The following XRN2 variants were observed in gnomAD, a reference collection of about 807,000 sequenced individuals.
XRN2 encodes the protein 5'-3' exoribonuclease 2.
A neutral mutation model predicts 138.5 loss-of-function variants in XRN2; 44 were observed. That is an observed-to-expected ratio of 0.32 (90% CI 0.25 to 0.41). The LOEUF is 0.41. XRN2 is among the 10% of genes least tolerant of loss of function. The pLI is 1.00. For synonymous variants in XRN2, 354 were observed against 369.4 expected, an observed-to-expected ratio of 0.96 and a Z score of 0.48; for missense variants, 937 against 1,169.3, an observed-to-expected ratio of 0.80 and a Z score of 2.90.
chr20:21,314,428 C>T (rs903211795), intron 1 of XRN2, among the ~76,000 whole-genome samples: 3 of 152,088 alleles, frequency 2.0e-5, no homozygotes, highest in Admixed American at 6.6e-5. Context: ...GATATGTTTT[C>T]GTTTTTCTTG....
intron 20 of XRN2, among the ~76,000 whole-genome samples, chr20:21,351,719 G>T (rs1175438085): frequency 6.6e-6 from 1 of 152,104 alleles, no homozygotes; most frequent in Non-Finnish European, 1.5e-5. Flanking sequence ...CACAGTTTTA[G>T]TTCTTACATT....
chr20:21,342,153 CAAATTACCAGTTTATTTAAAGG>C (rs1223936023), intron 15 of XRN2, among the ~76,000 whole-genome samples: 3 of 152,058 alleles, frequency 2.0e-5, no homozygotes, highest in South Asian at 2.1e-4. Context: ...ATTTTGAAGT[CAAATTACCAGTTTATTTAAAGG>C]GAGCCATTAA....
chr20:21,322,047 A>G (rs970138767), intron 1 of XRN2, among the ~76,000 whole-genome samples: 1 of 152,168 alleles, frequency 6.6e-6, no homozygotes, highest in Non-Finnish European at 1.5e-5. Flanking sequence ...CTGAATCTAT[A>G]GTAGTGTGAC....
chr20:21,355,163 G>A (rs945241251), intron 21 of XRN2, among the ~76,000 whole-genome samples: 2 of 152,068 alleles, frequency 1.3e-5, no homozygotes, highest in Non-Finnish European at 2.9e-5. Flanking sequence ...ATGCACACAC[G>A]AAAGTATCTT....
intron 15 of XRN2, among the ~76,000 whole-genome samples, chr20:21,342,428 G>A (rs576188560): frequency 4.4e-4 from 67 of 152,194 alleles, no homozygotes; most frequent in African/African-American, 1.6e-3. Flanking sequence ...ATTTTTGTTG[G>A]TAGAGACAGC....
At chr20:21,374,608 T>C (rs2038798314) in intron 27 of XRN2, among the ~76,000 whole-genome samples, 2 of 152,162 alleles carry the variant, frequency 1.3e-5, no homozygotes, top group Non-Finnish European at 2.9e-5. Flanking sequence ...ATTACACTGA[T>C]TGATTTTGAA....
intron 1 of XRN2, among the ~76,000 whole-genome samples, chr20:21,319,618 T>C (rs1357032660): frequency 1.3e-5 from 2 of 152,168 alleles, no homozygotes; most frequent in Non-Finnish European, 2.9e-5. Context: ...CCTATGTATC[T>C]TGCTAGAATC....
chr20:21,342,762 A>T (rs1482618483), intron 15 of XRN2, among the ~76,000 whole-genome samples: 1 of 152,204 alleles, frequency 6.6e-6, no homozygotes, highest in Non-Finnish European at 1.5e-5. Context: ...GAACGTTATC[A>T]TCCCCATTTT....
chr20:21,333,370 T>G (rs1372171748), intron 9 of XRN2, among the ~76,000 whole-genome samples, 174 bp from the exon 10 acceptor site: 2 of 152,190 alleles, frequency 1.3e-5, no homozygotes, highest in Non-Finnish European at 2.9e-5. Context: ...GATCTAGACG[T>G]GGTTGATTTT....
At chr20:21,356,519 C>A in intron 22 of XRN2, 67 bp from the exon 23 acceptor site, 3 of 1,453,192 alleles carry the variant, frequency 2.1e-6, no homozygotes, top group South Asian at 1.2e-5. Context: ...TATGAACACT[C>A]AAGAATCTGC....
At chr20:21,332,505 G>A in intron 9 of XRN2, 65 bp downstream of exon 9, 1 of 1,430,244 alleles carries the variant, frequency 7.0e-7, no homozygotes, top group South Asian at 1.5e-5. Flanking sequence ...AAATGTATAT[G>A]ACATAAAATA....
intron 16 of XRN2, 109 bp from the exon 17 acceptor site, chr20:21,346,306 C>T: frequency 7.1e-7 from 1 of 1,400,346 alleles, no homozygotes; most frequent in Non-Finnish European, 9.8e-7. Flanking sequence ...TTAACTCTTT[C>T]ACATTTCCCC....
chr20:21,358,736 A>G (rs952658920), intron 24 of XRN2, among the ~76,000 whole-genome samples: 7 of 152,146 alleles, frequency 4.6e-5, no homozygotes, highest in Non-Finnish European at 8.8e-5. Flanking sequence ...ATCTTTCTGG[A>G]TGAGTTGCTT....
intron 27 of XRN2, among the ~76,000 whole-genome samples, chr20:21,370,316 C>G (rs1258193921): frequency 6.6e-6 from 1 of 151,976 alleles, no homozygotes; most frequent in Middle Eastern, 3.2e-3. Flanking sequence ...TCTTTTTGCT[C>G]AGGATAACTT....
intron 16 of XRN2, among the ~76,000 whole-genome samples, chr20:21,345,093 G>A (rs1453064286): frequency 1.3e-5 from 2 of 152,142 alleles, no homozygotes; most frequent in African/African-American, 4.8e-5. Flanking sequence ...ATGTCTACTT[G>A]TGATTGAACA....
intron 20 of XRN2, among the ~76,000 whole-genome samples, chr20:21,349,841 A>G (rs1452278536): frequency 6.6e-6 from 1 of 152,230 alleles, no homozygotes; most frequent in Non-Finnish European, 1.5e-5. Context: ...GGGATTAGCA[A>G]TGATTAATAG....
At chr20:21,348,090 G>T in intron 17 of XRN2, 56 bp from the exon 18 acceptor site, 2 of 1,485,944 alleles carry the variant, frequency 1.3e-6, no homozygotes, top group Admixed American at 2.2e-5. Flanking sequence ...TTTTTTAATT[G>T]TGTTCATCAT....
At chr20:21,347,358 G>A (rs1224192099) in intron 17 of XRN2, among the ~76,000 whole-genome samples, 1 of 152,202 alleles carries the variant, frequency 6.6e-6, no homozygotes, top group East Asian at 1.9e-4. Flanking sequence ...ATTGGTGAGA[G>A]ATTAGGTAGA....
At chr20:21,304,017 G>GCT (rs1395172738) in intron 1 of XRN2, among the ~76,000 whole-genome samples, 8 of 152,202 alleles carry the variant, frequency 5.3e-5, no homozygotes, top group African/African-American at 1.9e-4. Context: ...GACGCTGAAA[G>GCT]CAGTATGTCA....
Sources: allele counts gnomAD v4.1 joint callset (sites outside exome capture counted in the v4.1 genomes callset), GRCh38; gene constraint gnomAD v4.1.1; transcripts MANE v1.5; gene names NCBI Gene and HGNC (gene_info 2026-07-23, HGNC 2026-07-21).